Variants in RIC1 observed in about 807,000 individuals in gnomAD.
RIC1 encodes RIC1 partner of RAB6A GEF complex.
In RIC1, 88 loss-of-function variants were observed where a neutral mutation model predicts 169.0. The observed-to-expected ratio is 0.52, with a 90% CI of 0.44 to 0.62. RIC1 has a LOEUF of 0.62. Among genes scored for constraint, RIC1 ranks in the 20% least tolerant of loss-of-function variants. The probability of loss-of-function intolerance (pLI) is 0.00; values close to 1 mark genes in which losing one functional copy is unlikely to be tolerated. For synonymous variants in RIC1, 790 were observed against 601.5 expected (o/e 1.31, Z -4.59); for missense variants, 1,877 against 1,725.5 (o/e 1.09, Z -1.56).
chr9:5,680,263 T>C (rs1457665666), intron 2 of RIC1, among the ~76,000 whole-genome samples: 4 of 152,230 alleles, frequency 2.6e-5, no homozygotes, highest in African/African-American at 9.7e-5. Flanking sequence ...TTGAGGATTT[T>C]TGCTTCAATG....
intron 7 of RIC1, among the ~76,000 whole-genome samples, chr9:5,737,646 A>C (rs1368649987): frequency 6.6e-6 from 1 of 151,756 alleles, no homozygotes; most frequent in Non-Finnish European, 1.5e-5. Context: ...TGAACAGCCC[A>C]GGGGTTAGAG....
At position 5,754,944 on chromosome 9, in the gene RIC1, C is replaced by G; in HGVS notation, c.1692+14C>G. On this transcript the variant is annotated intron_variant, in intron 15 of 25. Coordinates refer to ENST00000414202, the MANE Select transcript of RIC1 (RefSeq NM_020829.4). ...CGTCAAGAAGAGGTAAGTTTTTTCT[C>G]TCAGAAATAACAGATTTTTATATTT... 1 of 1,452,498 alleles carries G rather than the reference C, an allele frequency of 6.9e-7. No individual in the cohort carries two copies. The allele number at this position is 1,452,498 out of a possible 1,614,324, so 90.0% of individuals were successfully genotyped here.
At position 5,775,925 on chromosome 9, in the gene RIC1, C is replaced by T. The variant is rs1187085380; in HGVS notation, c.*1679C>T. The T allele has an allele frequency of 3.9e-5, 6 of 152,108 alleles. No individual in the cohort carries two copies. Among genetic ancestry groups the T allele is most frequent in the Non-Finnish European group, 7.4e-5 (5 of 67,996 alleles). 9.4% of individuals were successfully genotyped at this position (152,108 alleles called of 1,614,324 possible). A position where few individuals can be genotyped will look rare whatever the true frequency, so the allele number is the denominator to read the frequency against. Reference sequence around the variant, plus strand: ...CCTGAATCTTAAAGATAATGTTTTGCATGTGAGTACATGCAGCCCAGCAAG... The same window carrying T: ...CCTGAATCTTAAAGATAATGTTTTGTATGTGAGTACATGCAGCCCAGCAAG... On this transcript the variant is annotated 3_prime_UTR_variant, in exon 26 of 26. Transcript: ENST00000414202.
At chr9:5,639,356 C>G (rs1337700475) in intron 1 of RIC1, among the ~76,000 whole-genome samples, 9 of 152,146 alleles carry the variant, frequency 5.9e-5, no homozygotes, top group Non-Finnish European at 8.8e-5. Context: ...TGCACTGACC[C>G]ATTGGTCATT....
chr9:5,771,018 G>C (rs183115770), intron 23 of RIC1, among the ~76,000 whole-genome samples: 72 of 152,158 alleles, frequency 4.7e-4, no homozygotes, highest in African/African-American at 1.7e-3. Context: ...TATTACCTGA[G>C]CTTCTGCTAT....
At chr9:5,674,478 G>A (rs947482822) in intron 2 of RIC1, among the ~76,000 whole-genome samples, 6 of 151,840 alleles carry the variant, frequency 4.0e-5, no homozygotes, top group East Asian at 1.9e-4. Context: ...GAAATAAGAC[G>A]GTGGTGAAAG....
chr9:5,672,780 A>G (rs1313798896), intron 2 of RIC1, among the ~76,000 whole-genome samples: 2 of 152,184 alleles, frequency 1.3e-5, no homozygotes, highest in Non-Finnish European at 2.9e-5. Flanking sequence ...ACATATCTAG[A>G]GATAATGTGC....
chr9:5,718,969 A>G (rs1006086499), intron 4 of RIC1: 2 of 152,232 alleles, frequency 1.3e-5, no homozygotes, highest in African/African-American at 4.8e-5. Context: ...TAAAATACTA[A>G]AAGACATTTT....
intron 3 of RIC1, among the ~76,000 whole-genome samples, chr9:5,702,103 A>G (rs78637328): frequency 0.017 from 2,595 of 152,322 alleles, 79 homozygotes; most frequent in African/African-American, 0.059. Flanking sequence ...CTCATAGTTT[A>G]TTAAGGGGAC....
chr9:5,654,307 T>A (rs1818962923), intron 1 of RIC1, among the ~76,000 whole-genome samples: 1 of 152,054 alleles, frequency 6.6e-6, no homozygotes, highest in Non-Finnish European at 1.5e-5. Flanking sequence ...AGTGCAATGG[T>A]GTGGTCTTGA....
intron 3 of RIC1, among the ~76,000 whole-genome samples, chr9:5,698,682 T>C (rs1822045542): frequency 1.3e-5 from 2 of 152,202 alleles, no homozygotes; most frequent in South Asian, 4.1e-4. Context: ...GATTCTGCTT[T>C]TTCCCAAGAC....
intron 1 of RIC1, among the ~76,000 whole-genome samples, chr9:5,645,407 A>G (rs894542101): frequency 6.6e-6 from 1 of 152,294 alleles, no homozygotes; most frequent in East Asian, 1.9e-4. Flanking sequence ...TCTTGATACA[A>G]ATTATTTAGC....
intron 6 of RIC1, among the ~76,000 whole-genome samples, chr9:5,729,051 G>A (rs937138916): frequency 3.3e-5 from 5 of 152,054 alleles, no homozygotes; most frequent in African/African-American, 7.2e-5. Context: ...TGTCTCCAGT[G>A]TTCCTTGGAA....
At chr9:5,693,301 C>T (rs1034346941) in intron 3 of RIC1, among the ~76,000 whole-genome samples, 4 of 152,126 alleles carry the variant, frequency 2.6e-5, no homozygotes, top group African/African-American at 9.7e-5. Flanking sequence ...TATGTGACAG[C>T]ATCTTAACCT....
chr9:5,768,497 C>T (rs760407481), intron 21 of RIC1, among the ~76,000 whole-genome samples: 1 of 152,100 alleles, frequency 6.6e-6, no homozygotes, highest in Non-Finnish European at 1.5e-5. Context: ...CACTGCACTC[C>T]AGACTGGGTG....
chr9:5,729,608 G>C (rs1261065442), intron 6 of RIC1, among the ~76,000 whole-genome samples: 1 of 151,962 alleles, frequency 6.6e-6, no homozygotes, highest in African/African-American at 2.4e-5. Context: ...ACAGTTTTAG[G>C]AGTCCAAGAA....
At chr9:5,643,672 A>C (rs929362019) in intron 1 of RIC1, among the ~76,000 whole-genome samples, 1 of 152,226 alleles carries the variant, frequency 6.6e-6, no homozygotes, top group African/African-American at 2.4e-5. Flanking sequence ...AGTTGAAAAA[A>C]GATTTTTTTC....
intron 2 of RIC1, among the ~76,000 whole-genome samples, chr9:5,669,910 A>C (rs1335229628): frequency 6.6e-6 from 1 of 152,320 alleles, no homozygotes; most frequent in East Asian, 1.9e-4. Flanking sequence ...TTGGAGGATG[A>C]GCCACCTAAT....
intron 7 of RIC1, among the ~76,000 whole-genome samples, chr9:5,737,409 C>G (rs550892329): frequency 2.0e-5 from 3 of 152,242 alleles, no homozygotes; most frequent in African/African-American, 4.8e-5. Flanking sequence ...ATCACCAGTG[C>G]TGATGAAGCC....
Sources: gnomAD v4.1 joint callset for allele counts (sites outside exome capture counted in the v4.1 genomes callset) on GRCh38, gnomAD v4.1.1 for gene constraint, MANE v1.5 for transcripts, NCBI Gene and HGNC (gene_info 2026-07-23, HGNC 2026-07-21) for gene names.